KCND3: variants seen among roughly 807,000 people sequenced by gnomAD.
The protein encoded by KCND3 is potassium voltage-gated channel subfamily D member 3.
A neutral mutation model predicts 51.1 loss-of-function variants in KCND3; 9 were observed. The ratio of observed to expected loss-of-function variants is 0.18; its 90% confidence interval spans 0.11 to 0.31. The LOEUF is 0.31. KCND3 is among the 10% of genes least tolerant of loss of function. The pLI, the probability that KCND3 is intolerant of heterozygous loss-of-function variation, is 1.00. For synonymous variants in KCND3, 349 were observed against 368.0 expected (o/e 0.95, Z 0.59); for missense variants, 526 against 903.8 (o/e 0.58, Z 5.36).
intron 2 of KCND3, among the ~76,000 whole-genome samples, chr1:111,839,956 A>G (rs1437138437): frequency 6.6e-6 from 1 of 152,184 alleles, no homozygotes; most frequent in Non-Finnish European, 1.5e-5. Context: ...AATACCATAA[A>G]CTGGGTGGAT....
chr1:111,810,463 G>A (rs747876933), intron 2 of KCND3, among the ~76,000 whole-genome samples: 12 of 152,246 alleles, frequency 7.9e-5, no homozygotes, highest in Non-Finnish European at 1.2e-4. Context: ...CCCAAAGGCC[G>A]ATGCTGGGCA....
chr1:111,777,846 G>A (rs1262767187), intron 6 of KCND3, among the ~76,000 whole-genome samples: 1 of 152,152 alleles, frequency 6.6e-6, no homozygotes, highest in African/African-American at 2.4e-5. Flanking sequence ...CCTGATTATG[G>A]GATATGAGTC....
At chr1:111,819,218 C>A (rs559833904) in intron 2 of KCND3, among the ~76,000 whole-genome samples, 1 of 152,204 alleles carries the variant, frequency 6.6e-6, no homozygotes, top group East Asian at 1.9e-4. Flanking sequence ...AGAGGCCTCT[C>A]CCCAGCCTGG....
At chr1:111,907,308 T>C (rs775922553) in intron 2 of KCND3, among the ~76,000 whole-genome samples, 13 of 152,248 alleles carry the variant, frequency 8.5e-5, no homozygotes, top group Non-Finnish European at 1.6e-4. Flanking sequence ...CCATATCCTA[T>C]TGGTATTCAC....
intron 2 of KCND3, among the ~76,000 whole-genome samples, chr1:111,959,871 C>G (rs1449888004): frequency 6.6e-6 from 1 of 152,084 alleles, no homozygotes; most frequent in Non-Finnish European, 1.5e-5. Flanking sequence ...CCGTAATCCC[C>G]ATATGTTGTG....
At chr1:111,966,507 G>A (rs139407419) in intron 2 of KCND3, among the ~76,000 whole-genome samples, 5 of 152,270 alleles carry the variant, frequency 3.3e-5, no homozygotes, top group Admixed American at 1.3e-4. Context: ...TGCTGCAAAC[G>A]TCCTTGGCTG....
intron 2 of KCND3, among the ~76,000 whole-genome samples, chr1:111,889,737 A>G (rs1669740679): frequency 1.3e-5 from 2 of 152,192 alleles, no homozygotes; most frequent in Non-Finnish European, 2.9e-5. Flanking sequence ...TCTGCATTTT[A>G]CATAAGATAA....
At chr1:111,826,394 G>A (rs943465534) in intron 2 of KCND3, among the ~76,000 whole-genome samples, 1 of 152,108 alleles carries the variant, frequency 6.6e-6, no homozygotes, top group Admixed American at 6.5e-5. Context: ...CTTGTGAGAT[G>A]TTTTCTTTTA....
chr1:111,984,170 T>C (rs1213239960), intron 1 of KCND3, among the ~76,000 whole-genome samples: 1 of 152,210 alleles, frequency 6.6e-6, no homozygotes, highest in Non-Finnish European at 1.5e-5. Context: ...GAAAATTTTT[T>C]CTGTTACACG....
intron 2 of KCND3, among the ~76,000 whole-genome samples, chr1:111,876,765 A>G (rs1270485647): frequency 6.6e-6 from 1 of 152,218 alleles, no homozygotes; most frequent in Admixed American, 6.5e-5. Context: ...AGAGGGGGGA[A>G]GAGGAGCAAA....
At position 111,775,544 on chromosome 1, in the gene KCND3, A is replaced by G. The variant is rs1325851458; in HGVS notation, c.*533T>C. ...TGGTTCAAAGGTGTTGGGTCCATGGAGAAAAACATTTCACAAAAATCCGTT... is the reference window on the plus strand; with the variant it reads ...TGGTTCAAAGGTGTTGGGTCCATGGGGAAAAACATTTCACAAAAATCCGTT... On this transcript the variant is annotated 3_prime_UTR_variant, in exon 8 of 8. Transcript: ENST00000302127. 2.4e-5 allele frequency: 4 copies of G among 169,186 alleles called. No homozygotes were observed. Among genetic ancestry groups the G allele is most frequent in the Non-Finnish European group, 1.3e-5 (1 of 76,496 alleles). The allele number at this position is 169,186 out of a possible 1,614,324, so 10.5% of individuals were successfully genotyped here. A position where few individuals can be genotyped will look rare whatever the true frequency, so the allele number is the denominator to read the frequency against.
intron 5 of KCND3, among the ~76,000 whole-genome samples, chr1:111,779,036 A>C (rs1214867521): frequency 6.6e-6 from 1 of 152,230 alleles, no homozygotes; most frequent in Non-Finnish European, 1.5e-5. Flanking sequence ...AGAGTCTTTG[A>C]GAGAAAGTCT....
chr1:111,884,816 T>C (rs2101746925), intron 2 of KCND3, among the ~76,000 whole-genome samples: 1 of 152,360 alleles, frequency 6.6e-6, no homozygotes, highest in Non-Finnish European at 1.5e-5. Context: ...ATCTTTTAAC[T>C]TAAAAAAATT....
At chr1:111,821,888 G>A (rs553854950) in intron 2 of KCND3, among the ~76,000 whole-genome samples, 120 of 152,274 alleles carry the variant, frequency 7.9e-4, no homozygotes, top group African/African-American at 2.8e-3. Context: ...TGATGTTACA[G>A]AAGATGCGGG....
intron 3 of KCND3, among the ~76,000 whole-genome samples, chr1:111,783,037 G>A (rs1262233912): frequency 6.6e-6 from 1 of 152,078 alleles, no homozygotes; most frequent in African/African-American, 2.4e-5. Flanking sequence ...GGCCGAGGAA[G>A]GAAGAAGATC....
chr1:111,956,349 C>T (rs140729873), intron 2 of KCND3, among the ~76,000 whole-genome samples: 133 of 152,316 alleles, frequency 8.7e-4, no homozygotes, highest in African/African-American at 2.9e-3. Flanking sequence ...TCCCCAGTTC[C>T]GGAGCCCGAG....
intron 2 of KCND3, among the ~76,000 whole-genome samples, chr1:111,931,906 C>G (rs138792960): frequency 6.6e-6 from 1 of 152,172 alleles, no homozygotes; most frequent in African/African-American, 2.4e-5. Context: ...GCCCCTGCTC[C>G]GAGACTGTAT....
Position 111,868,491 on chromosome 1 carries a change from G to A in KCND3, c.1107-81385C>T, listed in dbSNP as rs1158145708. 3.3e-5 allele frequency among the ~76,000 whole-genome samples: 5 copies of A among 152,130 alleles called. No individual in the cohort carries two copies. The East Asian group carries it at 7.7e-4, about 23-fold the overall frequency. On this transcript the variant is annotated intron_variant, in intron 2 of 7. Transcript: ENST00000302127. ...ATAGGAAAATCATAGTATATGTAGG[G>A]CTCAGTACTACCCGTGGTCTCAGGT...
At chr1:111,834,978 T>C (rs1198437393) in intron 2 of KCND3, among the ~76,000 whole-genome samples, 2 of 152,172 alleles carry the variant, frequency 1.3e-5, no homozygotes, top group African/African-American at 4.8e-5. Context: ...CAGACCAACT[T>C]GGAAGAACAG....
Sources: gnomAD v4.1 joint callset for allele counts (sites outside exome capture counted in the v4.1 genomes callset) on GRCh38, gnomAD v4.1.1 for gene constraint, MANE v1.5 for transcripts, NCBI Gene and HGNC (gene_info 2026-07-23, HGNC 2026-07-21) for gene names.